Variants in ZNF582 observed in about 807,000 individuals in gnomAD.
ZNF582 encodes zinc finger protein 582.
ZNF582 carries 14 observed loss-of-function variants against 12.3 expected under a neutral mutation model. The observed-to-expected ratio is 1.14, with a 90% CI of 0.75 to 1.78. ZNF582 has a LOEUF of 1.78. Ranked by LOEUF, ZNF582 falls within the 40% of genes most tolerant of loss-of-function variation. The probability of loss-of-function intolerance (pLI) is 0.00; values close to 1 mark genes in which losing one functional copy is unlikely to be tolerated. For missense variants in ZNF582, 567 were observed against 616.5 expected (o/e 0.92, Z 0.85); for synonymous variants, 210 against 207.2 (o/e 1.01, Z -0.11).
exon 5 of ZNF582, chr19:56,383,309 TTC>T (rs1380197766): frequency 1.2e-4 from 19 of 152,256 alleles, no homozygotes; most frequent in Admixed American, 1.2e-3. Context: ...TTTCATCATT[TTC>T]TGTTACTTTC....
chr19:56,389,983 C>T lies in ZNF582; in HGVS notation c.232+18G>A. The T allele has an allele frequency of 6.2e-7, 1 of 1,609,690 alleles. No individual in the cohort carries two copies. The highest frequency in any genetic ancestry group is 8.5e-7 in the Non-Finnish European group (1 of 1,176,494). On this transcript the variant is annotated intron_variant, in intron 4 of 4. Transcript: ENST00000586929. ...ATACCTGCAGTGGCTGCTCCCTTCC[C>T]AATGATACCTCACTCACCTGGACAC...
exon 5 of ZNF582, chr19:56,383,039 T>G (rs888984404): frequency 4.6e-5 from 7 of 152,164 alleles, no homozygotes; most frequent in Non-Finnish European, 8.8e-5. Context: ...TGAGCAACAC[T>G]GGGAGATACT....
intron 3 of ZNF582, 70 bp downstream of exon 3, chr19:56,390,305 C>T: frequency 3.7e-6 from 6 of 1,603,840 alleles, no homozygotes; most frequent in Non-Finnish European, 5.1e-6. Context: ...GACTGAAAAG[C>T]ACCCAAAAAC....
chr19:56,387,548 CTA>C (rs1219330244), intron 4 of ZNF582: 1 of 152,066 alleles, frequency 6.6e-6, no homozygotes. Flanking sequence ...TAAAAAAAAA[CTA>C]TATACAAACG....
exon 2 of ZNF582, chr19:56,391,799 T>C: frequency 3.7e-6 from 6 of 1,614,180 alleles, no homozygotes; most frequent in Non-Finnish European, 5.1e-6. Context: ...CTGGTTCCTC[T>C]CTTGGGGAAG....
intron 2 of ZNF582, among the ~76,000 whole-genome samples, chr19:56,391,233 T>C (rs1045778323): frequency 6.6e-6 from 1 of 152,206 alleles, no homozygotes; most frequent in Admixed American, 6.5e-5. Context: ...TTTCTTCCTC[T>C]TAAGCTAAAG....
At chr19:56,384,006 T>C in exon 5 of ZNF582, 1 of 1,614,014 alleles carries the variant, frequency 6.2e-7, no homozygotes, top group South Asian at 1.1e-5. Context: ...TTATGCATTC[T>C]CTGAGGTTGA....
chr19:56,388,457 A>G (rs985586491), intron 4 of ZNF582: 1 of 152,202 alleles, frequency 6.6e-6, no homozygotes, highest in Non-Finnish European at 1.5e-5. Context: ...ATCTGATCCA[A>G]GAGAAAACTA....
At chr19:56,384,610 C>T (rs371440210) in exon 5 of ZNF582, 5 of 1,613,832 alleles carry the variant, frequency 3.1e-6, no homozygotes, top group Non-Finnish European at 4.2e-6. Flanking sequence ...GTTCAATCAA[C>T]TGTGAGCTTC....
chr19:56,389,040 T>A (rs556782581), intron 4 of ZNF582, among the ~76,000 whole-genome samples: 29 of 152,330 alleles, frequency 1.9e-4, no homozygotes, highest in South Asian at 2.1e-4. Context: ...CAACTGGTAT[T>A]CCCCAGCTAC....
At chr19:56,383,908 T>G in exon 5 of ZNF582, 1 of 1,603,878 alleles carries the variant, frequency 6.2e-7, no homozygotes, top group Non-Finnish European at 8.5e-7. Flanking sequence ...TATGGTTGCT[T>G]GCCAACATAA....
chr19:56,388,913 G>A (rs761705038), intron 4 of ZNF582, among the ~76,000 whole-genome samples: 51 of 152,098 alleles, frequency 3.4e-4, no homozygotes, highest in Non-Finnish European at 5.3e-4. Context: ...CACCATGCCC[G>A]GCCCCTAGTG....
In ZNF582 at chr19:56,389,998, C is replaced by T. The variant is rs779289442; in HGVS notation, c.232+3G>A. 4 of 1,613,450 alleles carry T rather than the reference C, an allele frequency of 2.5e-6. No individual in the cohort carries two copies. Among genetic ancestry groups the T allele is most frequent in the Non-Finnish European group, 3.4e-6 (4 of 1,179,508 alleles). ...GCTCCCTTCCCAATGATACCTCACT[C>T]ACCTGGACACAGGCCTCCAGACACC... On this transcript the variant is annotated splice_donor_region_variant and intron_variant, in intron 4 of 4. Coordinates refer to ENST00000586929, the Ensembl canonical transcript of ZNF582.
chr19:56,385,402 G>A (rs2041958581), intron 4 of ZNF582, among the ~76,000 whole-genome samples: 1 of 152,134 alleles, frequency 6.6e-6, no homozygotes, highest in South Asian at 2.1e-4. Context: ...ATGTTAGTGT[G>A]GGGCTGGGCA....
Position 56,390,197 on chromosome 19 carries a change from G to A in ZNF582, c.137-101C>T. 4 of 1,366,922 alleles carry A rather than the reference G, an allele frequency of 2.9e-6. No individual in the cohort carries two copies. The East Asian group carries it at 9.2e-5, about 31-fold the overall frequency. The allele number at this position is 1,366,922 out of a possible 1,614,324, so 84.7% of individuals were successfully genotyped here. On this transcript the variant is annotated intron_variant, in intron 3 of 4. Coordinates refer to ENST00000586929, the Ensembl canonical transcript of ZNF582. ...AGCAGGAGAGGCAGTTGCAGGAAGTGCCAGAGGAAGATGGGACAGTTGCCT... is the reference window on the plus strand; with the variant it reads ...AGCAGGAGAGGCAGTTGCAGGAAGTACCAGAGGAAGATGGGACAGTTGCCT...
intron 1 of ZNF582, among the ~76,000 whole-genome samples, chr19:56,392,296 A>G (rs910586129): frequency 9.9e-5 from 15 of 152,248 alleles, no homozygotes; most frequent in African/African-American, 3.4e-4. Context: ...CCAACCGCCA[A>G]ATATACAAAA....
intron 2 of ZNF582, among the ~76,000 whole-genome samples, chr19:56,391,446 G>C (rs1020729211): frequency 2.0e-5 from 3 of 152,198 alleles, no homozygotes; most frequent in Non-Finnish European, 4.4e-5. Flanking sequence ...ATATGTGATT[G>C]CTCCTAAGCA....
chr19:56,388,630 C>T (rs538988754), intron 4 of ZNF582, among the ~76,000 whole-genome samples: 6 of 152,014 alleles, frequency 3.9e-5, no homozygotes, highest in East Asian at 1.9e-4. Context: ...CCTTTCCTAG[C>T]GTATCTTTTT....
Position 56,384,148 on chromosome 19 carries a change from A to C in ZNF582, c.1269T>G (p.Tyr423Ter). The C allele has an allele frequency of 6.2e-7, 1 of 1,612,892 alleles. No individual in the cohort carries two copies. The highest frequency in any genetic ancestry group is 8.5e-7 in the Non-Finnish European group (1 of 1,179,406). The change falls in exon 5 of 5, where the codon TAT (tyrosine) becomes TAG (stop). Residue 423 changes from tyrosine to a stop codon, truncating the protein, a stop_gained. Coordinates refer to ENST00000586929, the Ensembl canonical transcript of ZNF582. LOFTEE classifies it low-confidence loss of function (END_TRUNC). ...AAGCCTTCCCACATTCCTTACATTC[A>C]TATGGCTTTTCACCTGTATGAATTC...
Sources: gnomAD v4.1 joint callset for allele counts (sites outside exome capture counted in the v4.1 genomes callset) on GRCh38, gnomAD v4.1.1 for gene constraint, MANE v1.5 for transcripts, NCBI Gene and HGNC (gene_info 2026-07-23, HGNC 2026-07-21) for gene names.